Variants in PRRC2B observed in about 807,000 individuals in gnomAD.
PRRC2B encodes proline rich coiled-coil 2B.
A neutral mutation model predicts 242.3 loss-of-function variants in PRRC2B; 68 were observed. The observed-to-expected ratio is 0.28, with a 90% CI of 0.23 to 0.34. PRRC2B has a LOEUF of 0.34. Ranked by LOEUF, PRRC2B falls within the 10% of genes least tolerant of loss-of-function variation. The probability of loss-of-function intolerance (pLI) is 1.00; values close to 1 mark genes in which losing one functional copy is unlikely to be tolerated. For synonymous variants in PRRC2B, 1,228 were observed against 1,173.6 expected, an observed-to-expected ratio of 1.05 and a Z score of -0.95; for missense variants, 2,835 against 2,954.8, an observed-to-expected ratio of 0.96 and a Z score of 0.94.
intron 4 of PRRC2B, among the ~76,000 whole-genome samples, chr9:131,438,624 G>A (rs146006321): frequency 1.2e-3 from 181 of 152,264 alleles, no homozygotes; most frequent in African/African-American, 4.2e-3. Flanking sequence ...AGTCTTTGTC[G>A]CTGGAGCAAA....
At chr9:131,478,642 G>GGGAGGGGGGGGGGA (rs1943773905) in intron 18 of PRRC2B, 23 bp downstream of exon 18, 1 of 475,578 alleles carries the variant, frequency 2.1e-6, no homozygotes, top group Non-Finnish European at 4.2e-6. Flanking sequence ...GGGTGGGGGG[G>GGGAGGGGGGGGGGA]CATGGGGCTG....
At chr9:131,456,407 G>A (rs888737915) in intron 10 of PRRC2B, among the ~76,000 whole-genome samples, 2 of 151,802 alleles carry the variant, frequency 1.3e-5, no homozygotes, top group African/African-American at 2.4e-5. Flanking sequence ...CAAGGCGGGC[G>A]GATCACGAGG....
At chr9:131,465,589 G>A (rs952096414) in intron 12 of PRRC2B, among the ~76,000 whole-genome samples, 5 of 152,102 alleles carry the variant, frequency 3.3e-5, no homozygotes, top group Admixed American at 6.5e-5. Context: ...TATTATCCTC[G>A]CTATCCCTGC....
chr9:131,402,313 C>G (rs1837249055), intron 1 of PRRC2B, among the ~76,000 whole-genome samples: 1 of 152,188 alleles, frequency 6.6e-6, no homozygotes, highest in Admixed American at 6.5e-5. Flanking sequence ...AAACCGAATA[C>G]TCTTAAGTAC....
intron 1 of PRRC2B, among the ~76,000 whole-genome samples, 193 bp downstream of exon 1, chr9:131,394,456 G>A (rs1285801036): frequency 2.0e-5 from 3 of 146,602 alleles, no homozygotes; most frequent in Non-Finnish European, 3.0e-5. Context: ...GCGGGGCTGG[G>A]AGGCCGCGGG....
intron 1 of PRRC2B, among the ~76,000 whole-genome samples, chr9:131,409,301 C>T (rs771910336): frequency 6.6e-6 from 1 of 151,944 alleles, no homozygotes; most frequent in Non-Finnish European, 1.5e-5. Flanking sequence ...GGATTACAGA[C>T]GTGAGCCACC....
At chr9:131,485,177 T>C in intron 25 of PRRC2B, 37 bp downstream of exon 25, 1 of 1,480,944 alleles carries the variant, frequency 6.8e-7, no homozygotes, top group South Asian at 1.2e-5. Flanking sequence ...GGGGTCCTTC[T>C]CCATTTATTA....
In PRRC2B at chr9:131,411,310, C is replaced by CT. The variant is rs910298580; in HGVS notation, c.-52+17055dup. Among the ~76,000 whole-genome samples the CT allele has an allele frequency of 1.3e-3, 199 of 149,478 alleles. 1 individual carries two copies. The highest frequency in any genetic ancestry group is 4.2e-3 in the African/African-American group (170 of 40,622). On this transcript the variant is annotated intron_variant, in intron 1 of 31. Coordinates refer to ENST00000683519, the MANE Select transcript of PRRC2B (RefSeq NM_013318.4). Reference sequence around the variant, plus strand: ...TTCTGTTTTTCATTTGTGCTATTTTCTTTTTTTTGTTTGTTTTTTTGTTTT... The same window carrying CT: ...TTCTGTTTTTCATTTGTGCTATTTTCTTTTTTTTTGTTTGTTTTTTTGTTTT...
At chr9:131,380,775 G>T (rs1305072286) in intron 1 of PRRC2B, among the ~76,000 whole-genome samples, 3 of 150,666 alleles carry the variant, frequency 2.0e-5, no homozygotes, top group Non-Finnish European at 4.4e-5. Context: ...CTACTCGGAA[G>T]GCTGAGGCAG....
chr9:131,393,647 A>G (rs1172857244), upstream of PRRC2B, among the ~76,000 whole-genome samples: 1 of 152,190 alleles, frequency 6.6e-6, no homozygotes, highest in African/African-American at 2.4e-5. Flanking sequence ...GCAGTTTTGA[A>G]GGGGGAGGGG....
intron 10 of PRRC2B, among the ~76,000 whole-genome samples, chr9:131,458,218 C>T (rs1943138746): frequency 6.6e-6 from 1 of 152,074 alleles, no homozygotes; most frequent in Admixed American, 6.6e-5. Context: ...ATTTATTGAG[C>T]AACTGGCTTG....
chr9:131,475,399 T>TG lies in PRRC2B; in HGVS notation c.3277dup (p.Val1093GlyfsTer41), dbSNP rs754941513. On this transcript the variant is annotated frameshift_variant, in exon 16 of 32. Coordinates refer to ENST00000683519, the MANE Select transcript of PRRC2B (RefSeq NM_013318.4). LOFTEE classifies it high-confidence loss of function. Reference sequence around the variant, plus strand: ...GCGGAAATGGGAGCGGCCTCTGTGGTGGGGGGGTCCTGGGGGCCCGCAGCA... The same window carrying TG: ...GCGGAAATGGGAGCGGCCTCTGTGGTGGGGGGGGTCCTGGGGGCCCGCAGCA... 3.2e-6 allele frequency: 5 copies of TG among 1,582,664 alleles called. No homozygotes were observed. Among genetic ancestry groups the TG allele is most frequent in the Non-Finnish European group, 2.6e-6 (3 of 1,165,192 alleles).
chr9:131,464,018 T>G (rs1181465394), intron 11 of PRRC2B, among the ~76,000 whole-genome samples: 1 of 151,828 alleles, frequency 6.6e-6, no homozygotes, highest in Non-Finnish European at 1.5e-5. Context: ...CTCGGCTCAC[T>G]GCAACTTCTA....
At chr9:131,428,896 T>C (rs1564280767) in intron 1 of PRRC2B, among the ~76,000 whole-genome samples, 1 of 152,194 alleles carries the variant, frequency 6.6e-6, no homozygotes, top group African/African-American at 2.4e-5. Context: ...TAAAAAGCAG[T>C]GAAGCTCTTA....
intron 1 of PRRC2B, among the ~76,000 whole-genome samples, chr9:131,373,986 G>T (rs982782552): frequency 6.6e-6 from 1 of 151,306 alleles, no homozygotes; most frequent in African/African-American, 2.4e-5. Context: ...GTGAACCCGG[G>T]AGGCGGAGCT....
Position 131,484,573 on chromosome 9 carries a change from C to T in PRRC2B, c.5461-113C>T. 4.9e-6 allele frequency: 4 copies of T among 820,758 alleles called. No homozygotes were observed. The South Asian group carries it at 7.3e-5, about 15-fold the overall frequency. The allele number at this position is 820,758 out of a possible 1,614,324, so 50.8% of individuals were successfully genotyped here. Reference sequence around the variant, plus strand: ...AAGCCATGGATGGGTTTGGGCAAGTCATAGATACATTTGGACGAGCCTTGA... The same window carrying T: ...AAGCCATGGATGGGTTTGGGCAAGTTATAGATACATTTGGACGAGCCTTGA... On this transcript the variant is annotated intron_variant, in intron 23 of 31. Coordinates refer to ENST00000683519, the MANE Select transcript of PRRC2B (RefSeq NM_013318.4).
chr9:131,471,021 C>T lies in PRRC2B; in HGVS notation c.2107+38C>T, dbSNP rs763394722. ...GTCTGACGGTCCATACCTGTATCAC[C>T]CAGGATAGCGTGGTGGTCAAGGGTG... On this transcript the variant is annotated intron_variant, in intron 14 of 31. Coordinates refer to ENST00000683519, the MANE Select transcript of PRRC2B (RefSeq NM_013318.4). 15 of 1,489,754 alleles carry T rather than the reference C, an allele frequency of 1.0e-5. No homozygotes were observed. In the South Asian group the frequency reaches 1.7e-4, roughly 16 times the overall value. The allele number at this position is 1,489,754 out of a possible 1,614,324, so 92.3% of individuals were successfully genotyped here. A position where few individuals can be genotyped will look rare whatever the true frequency, so the allele number is the denominator to read the frequency against.
intron 15 of PRRC2B, 78 bp from the exon 16 acceptor site, chr9:131,474,376 A>T: frequency 8.1e-7 from 1 of 1,234,372 alleles, no homozygotes; most frequent in Non-Finnish European, 1.1e-6. Context: ...TTCTTTTTAA[A>T]ACTAAGCTCT....
rs377750212 is a variant in PRRC2B, at chr9:131,482,329, G to A, written c.4984-42G>A. On this transcript the variant is annotated intron_variant, in intron 20 of 31. Transcript: ENST00000683519. The surrounding 1 kb of genome is among the most constrained non-coding windows in gnomAD (Gnocchi z 5.2). ...GCAGTTTTACTCTCTGGATAATCGAGTTGGGAGTTTGAGGCTATAACCCAT... is the reference window on the plus strand; with the variant it reads ...GCAGTTTTACTCTCTGGATAATCGAATTGGGAGTTTGAGGCTATAACCCAT... 12 of 1,520,684 alleles carry A rather than the reference G, an allele frequency of 7.9e-6. No individual in the cohort carries two copies. The highest frequency in any genetic ancestry group is 1.1e-5 in the Non-Finnish European group (12 of 1,129,752). 94.2% of individuals were successfully genotyped at this position (1,520,684 alleles called of 1,614,324 possible). A position where few individuals can be genotyped will look rare whatever the true frequency, so the allele number is the denominator to read the frequency against.
Sources: allele counts gnomAD v4.1 joint callset (sites outside exome capture counted in the v4.1 genomes callset), GRCh38; gene constraint gnomAD v4.1.1; non-coding constraint Gnocchi (gnomAD v3.1); transcripts MANE v1.5; gene names NCBI Gene and HGNC (gene_info 2026-07-23, HGNC 2026-07-21).